Variants in FOXP1 observed in about 807,000 individuals in gnomAD.
FOXP1 encodes forkhead box protein P1.
Under a neutral mutation model 98.2 loss-of-function variants are expected in FOXP1, and 15 were observed. The ratio of observed to expected loss-of-function variants is 0.15; its 90% CI spans 0.10 to 0.24. The LOEUF is 0.24. Ranked by LOEUF, FOXP1 falls within the 10% of genes least tolerant of loss-of-function variation. The pLI is 1.00. For synonymous variants in FOXP1, 371 were observed against 314.5 expected, an observed-to-expected ratio of 1.18 and a Z score of -1.90; for missense variants, 633 against 848.5, an observed-to-expected ratio of 0.75 and a Z score of 3.15.
chr3:71,032,119 T>C (rs560389621), intron 11 of FOXP1, among the ~76,000 whole-genome samples: 7 of 152,252 alleles, frequency 4.6e-5, no homozygotes, highest in Admixed American at 6.5e-5. Flanking sequence ...TCACACTACA[T>C]TGACCGCAGT....
At chr3:71,551,931 C>G in intron 2 of FOXP1, among the ~76,000 whole-genome samples, 1 of 152,104 alleles carries the variant, frequency 6.6e-6, no homozygotes, top group Non-Finnish European at 1.5e-5. Context: ...CCATTCCCTC[C>G]AGGAAGTGTT....
intron 6 of FOXP1, among the ~76,000 whole-genome samples, chr3:71,134,023 C>T (rs2107945103): frequency 6.6e-6 from 1 of 152,260 alleles, no homozygotes; most frequent in East Asian, 1.9e-4. Flanking sequence ...ATTCCTTTGC[C>T]TATTCTGTCC....
rs549571413 is a variant in FOXP1 at position 71,399,471 on chromosome 3, G to A, written c.-167-40227C>T. ...GAAATTCAAGCAAGTTTCAAAATAA[G>A]CAGCTATTTGGGTATACCTGAAGTT... On this transcript the variant is annotated intron_variant, in intron 3 of 20. Transcript: ENST00000649528. 2.6e-5 allele frequency among the ~76,000 whole-genome samples: 4 copies of A among 152,288 alleles called. No homozygotes were observed. In the South Asian group the frequency reaches 8.3e-4, roughly 32 times the overall value.
chr3:71,362,593 C>T (rs2078648637), intron 3 of FOXP1, among the ~76,000 whole-genome samples: 1 of 152,208 alleles, frequency 6.6e-6, no homozygotes, highest in South Asian at 2.1e-4. Flanking sequence ...CCTCAGCCTC[C>T]CAAGTAGCTG....
intron 13 of FOXP1, among the ~76,000 whole-genome samples, chr3:70,990,115 T>C (rs2040380193): frequency 6.6e-6 from 1 of 152,220 alleles, no homozygotes; most frequent in African/African-American, 2.4e-5. Context: ...ACCTCAATTG[T>C]ACCACCCTAG....
At chr3:71,360,450 G>A (rs150646996) in intron 3 of FOXP1, 2 of 152,086 alleles carry the variant, frequency 1.3e-5, no homozygotes, top group African/African-American at 2.4e-5. Flanking sequence ...AGCTTTCATC[G>A]CTTGGTTAGG....
rs568390175 is a variant in FOXP1 at position 71,069,624 on chromosome 3, G to A, written c.283-15851C>T. On this transcript the variant is annotated intron_variant, in intron 7 of 20. Coordinates refer to ENST00000649528, the MANE Select transcript of FOXP1 (RefSeq NM_001349338.3). ...CAAAGTGCTGTACCCTTCAGATATC[G>A]GGGGGAAAACATCACTGCCACCACC... 4.6e-5 allele frequency among the ~76,000 whole-genome samples: 7 copies of A among 152,156 alleles called. No homozygotes were observed. In the East Asian group the frequency reaches 5.8e-4, roughly 13 times the overall value.
At chr3:71,507,548 C>T (rs2041913244) in intron 2 of FOXP1, among the ~76,000 whole-genome samples, 1 of 151,568 alleles carries the variant, frequency 6.6e-6, no homozygotes, top group African/African-American at 2.4e-5. Context: ...TACCTGCTTA[C>T]CAAATGTCTA....
chr3:71,086,459 C>CG (rs1226030560), intron 7 of FOXP1, among the ~76,000 whole-genome samples: 2 of 152,174 alleles, frequency 1.3e-5, no homozygotes, highest in East Asian at 1.9e-4. Flanking sequence ...TGCAATGTAC[C>CG]GGGGGGAAAG....
chr3:71,363,193 A>G (rs545183181), intron 3 of FOXP1, among the ~76,000 whole-genome samples: 3 of 152,156 alleles, frequency 2.0e-5, no homozygotes, highest in African/African-American at 7.2e-5. Flanking sequence ...TCAATTTTTT[A>G]TTGATATAAT....
chr3:71,203,695 G>A (rs886542725), intron 5 of FOXP1, among the ~76,000 whole-genome samples: 4 of 152,118 alleles, frequency 2.6e-5, no homozygotes, highest in Non-Finnish European at 5.9e-5. Context: ...AAAGAAGTTG[G>A]TCTCTTCATA....
At chr3:71,270,476 A>T (rs1315500518) in intron 5 of FOXP1, among the ~76,000 whole-genome samples, 1 of 152,200 alleles carries the variant, frequency 6.6e-6, no homozygotes, top group Non-Finnish European at 1.5e-5. Flanking sequence ...TATCTTCAAA[A>T]TTCTCATTTG....
At chr3:71,329,379 G>C (rs1464203758) in intron 4 of FOXP1, among the ~76,000 whole-genome samples, 3 of 151,838 alleles carry the variant, frequency 2.0e-5, no homozygotes, top group African/African-American at 7.3e-5. Flanking sequence ...CCGCCACCAG[G>C]CTGGCTAATT....
At chr3:71,329,976 G>A (rs1204650191) in intron 4 of FOXP1, among the ~76,000 whole-genome samples, 1 of 152,174 alleles carries the variant, frequency 6.6e-6, no homozygotes, top group Non-Finnish European at 1.5e-5. Flanking sequence ...GAAGGCTGCA[G>A]GGTGGGAAGA....
chr3:71,416,762 C>T (rs2083257100), intron 3 of FOXP1, among the ~76,000 whole-genome samples: 1 of 151,852 alleles, frequency 6.6e-6, no homozygotes, highest in African/African-American at 2.4e-5. Flanking sequence ...CCCCGTGGTA[C>T]CTGGAAGCAG....
intron 11 of FOXP1, 51 bp from the exon 12 acceptor site, chr3:71,015,704 A>G (rs764632903): frequency 1.5e-6 from 2 of 1,292,812 alleles, no homozygotes; most frequent in Non-Finnish European, 2.2e-6. Context: ...GCCAAGAACC[A>G]TTCCACCAGA....
At chr3:71,041,879 G>T (rs997657354) in intron 10 of FOXP1, among the ~76,000 whole-genome samples, 3 of 151,972 alleles carry the variant, frequency 2.0e-5, no homozygotes. Context: ...ACACAAAGAA[G>T]GGCTCAAAAT....
rs867998749 is a variant in FOXP1, at chr3:71,476,772, G to T, written c.-168+16654C>A. On this transcript the variant is annotated intron_variant, in intron 3 of 20. Transcript: ENST00000649528. ...GCCCACCTTGGCCTCCCAAAGTGCT[G>T]GGATTACAGGTGTGAGCCACTGCGC... is the stretch of plus-strand genomic sequence containing the variant. Among the ~76,000 whole-genome samples the T allele has an allele frequency of 3.3e-5, 5 of 151,790 alleles. No individual in the cohort carries two copies. In the South Asian group the frequency reaches 6.2e-4, roughly 19 times the overall value.
Position 71,197,913 on chromosome 3 carries a change from G to A in FOXP1, c.180+289C>T, listed in dbSNP as rs141808088. Reference sequence around the variant, plus strand: ...CAAAGAATAATTTTATTCAAAATGGGGAAGGGTTAGGCTGACACACAGGTC... The same window carrying A: ...CAAAGAATAATTTTATTCAAAATGGAGAAGGGTTAGGCTGACACACAGGTC... On this transcript the variant is annotated intron_variant, in intron 6 of 20. Coordinates refer to ENST00000649528, the MANE Select transcript of FOXP1 (RefSeq NM_001349338.3). The A allele has an allele frequency of 1.3e-3, 2,176 of 1,614,132 alleles. 32 individuals are homozygous for A. The African/African-American group carries it at 0.025, about 19-fold the overall frequency.
Sources: gnomAD v4.1 joint callset for allele counts (sites outside exome capture counted in the v4.1 genomes callset) on GRCh38, gnomAD v4.1.1 for gene constraint, MANE v1.5 for transcripts, NCBI Gene and HGNC (gene_info 2026-07-23, HGNC 2026-07-21) for gene names.